DNAH7: variants seen among roughly 807,000 people sequenced by gnomAD.
DNAH7 encodes axonemal beta dynein heavy chain 7.
In DNAH7, 397 loss-of-function variants were observed where a neutral mutation model predicts 444.6. The observed-to-expected ratio is 0.89, with a 90% CI of 0.82 to 0.97. The LOEUF is 0.97. DNAH7 is among the 50% of genes least tolerant of loss of function. The probability of loss-of-function intolerance (pLI) is 0.00; values close to 1 mark genes in which losing one functional copy is unlikely to be tolerated. For synonymous variants in DNAH7, 1,636 were observed against 1,624.4 expected (o/e 1.01, Z -0.17); for missense variants, 4,902 against 4,800.8 (o/e 1.02, Z -0.62).
chr2:195,949,671 G>T (rs1256674656), intron 19 of DNAH7, among the ~76,000 whole-genome samples: 1 of 152,138 alleles, frequency 6.6e-6, no homozygotes, highest in African/African-American at 2.4e-5. Context: ...GGGCATCTTT[G>T]TCTTGTGCCG....
chr2:195,943,979 C>T (rs546003127), intron 19 of DNAH7, among the ~76,000 whole-genome samples: 2 of 152,216 alleles, frequency 1.3e-5, no homozygotes, highest in East Asian at 3.9e-4. Flanking sequence ...TCTCTGATTC[C>T]TTACATACCT....
chr2:195,768,453 C>A (rs1007505255), intron 61 of DNAH7, among the ~76,000 whole-genome samples: 1 of 151,722 alleles, frequency 6.6e-6, no homozygotes, highest in Non-Finnish European at 1.5e-5. Context: ...TGTATATTAT[C>A]ATAACCACTG....
chr2:195,790,344 C>T (rs1219833537), intron 57 of DNAH7, among the ~76,000 whole-genome samples: 8 of 151,714 alleles, frequency 5.3e-5, no homozygotes, highest in African/African-American at 1.9e-4. Flanking sequence ...TCATAAAGAA[C>T]CAAAAACAGC....
rs1691047447 is a variant in DNAH7 at position 195,960,879 on chromosome 2, T to C, written c.2272A>G (p.Lys758Glu). 1 of 1,613,786 alleles carries C rather than the reference T, an allele frequency of 6.2e-7. No individual in the cohort carries two copies. Among genetic ancestry groups the C allele is most frequent in the African/African-American group, 1.3e-5 (1 of 74,908 alleles). The part of the protein sequence containing the change: ...WLPSVYPQRK[K>E]IQDGLNPYLR... ...TAAGGGTTCAAGCCATCTTGGATTT[T>C]TTTACGTTGAGGATATACAGATGGT... The change falls in exon 18 of 65, where the codon AAA becomes GAA. Residue 758 changes from lysine to glutamate, a missense_variant. Physicochemically the swap from Lys to Glu is moderately conservative, Grantham distance 56 (BLOSUM62 1). Transcript: ENST00000312428.
intron 43 of DNAH7, 117 bp downstream of exon 43, chr2:195,858,357 A>C: frequency 1.2e-6 from 1 of 860,410 alleles, no homozygotes; most frequent in Non-Finnish European, 1.6e-6. Context: ...AAATGATTTC[A>C]GCTTCATTAA....
intron 52 of DNAH7, among the ~76,000 whole-genome samples, 181 bp from the exon 53 acceptor site, chr2:195,809,057 C>G (rs1005309226): frequency 6.6e-6 from 1 of 152,140 alleles, no homozygotes; most frequent in Admixed American, 6.5e-5. Context: ...CTCATGATAA[C>G]CAGTTTTCAA....
chr2:195,901,927 GAATA>G (rs1036613325), intron 27 of DNAH7: 12 of 152,158 alleles, frequency 7.9e-5, no homozygotes, highest in South Asian at 4.1e-4. Flanking sequence ...TATTTTGAAA[GAATA>G]AATAAGAATT....
chr2:195,955,165 A>G (rs1032239192), intron 19 of DNAH7, among the ~76,000 whole-genome samples: 4 of 152,184 alleles, frequency 2.6e-5, no homozygotes, highest in Non-Finnish European at 1.5e-5. Context: ...TAGGTCTAAC[A>G]CTTAAGTCTT....
chr2:195,884,468 G>T, intron 35 of DNAH7, 117 bp downstream of exon 35: 1 of 737,772 alleles, frequency 1.4e-6, no homozygotes, highest in Non-Finnish European at 2.3e-6. Context: ...TCTATTCTAT[G>T]CTGTCTCTTA....
In DNAH7 at chr2:195,897,833, C is replaced by T. The variant is rs1326775523; in HGVS notation, c.4549-68G>A. 1.7e-5 allele frequency: 14 copies of T among 826,942 alleles called. No homozygotes were observed. The East Asian group carries it at 2.3e-4, about 14-fold the overall frequency. The allele number at this position is 826,942 out of a possible 1,614,324, so 51.2% of individuals were successfully genotyped here. On this transcript the variant is annotated intron_variant, in intron 28 of 64. Coordinates refer to ENST00000312428, the MANE Select transcript of DNAH7 (RefSeq NM_018897.3). ...TAACAGCACCTACCCGCTTCGTGTT[C>T]GCATACACACAAACCTACAGACCCT...
chr2:195,801,680 G>A (rs906198017), intron 54 of DNAH7, among the ~76,000 whole-genome samples: 1 of 152,082 alleles, frequency 6.6e-6, no homozygotes, highest in Admixed American at 6.6e-5. Context: ...TAAAACGATG[G>A]TCTACTCTGT....
chr2:195,875,920 G>A, intron 37 of DNAH7, 77 bp from the exon 38 acceptor site: 2 of 1,353,860 alleles, frequency 1.5e-6, no homozygotes, highest in Admixed American at 5.1e-5. Context: ...CAATATTGAG[G>A]CAAATACTTA....
intron 5 of DNAH7, among the ~76,000 whole-genome samples, chr2:196,044,630 A>G (rs1696988395): frequency 6.6e-6 from 1 of 152,194 alleles, no homozygotes; most frequent in Non-Finnish European, 1.5e-5. Flanking sequence ...ATATTTTTCA[A>G]TCTATAATTT....
At chr2:195,986,301 T>C (rs1440153700) in intron 14 of DNAH7, among the ~76,000 whole-genome samples, 3 of 152,330 alleles carry the variant, frequency 2.0e-5, no homozygotes, top group African/African-American at 7.2e-5. Flanking sequence ...TTTAGAGCCT[T>C]AGAGCCGAAG....
rs1691034749 is a variant in DNAH7, at chr2:195,960,708, G to A, written c.2443C>T (p.His815Tyr). The A allele has an allele frequency of 6.2e-7, 1 of 1,614,130 alleles. No individual in the cohort carries two copies. The highest frequency in any genetic ancestry group is 1.1e-5 in the South Asian group (1 of 91,080). ...ATTGCCAATGCATATGGAGAATCAT[G>A]AAAGGTTTTCTCCAGTTTATATAAT... ...RGLYKLEKTF[H>Y]DSPYALAMTK... Residue 815 changes from histidine (H) to tyrosine (Y), a missense_variant, in exon 18 of 65, where the codon CAT becomes TAT. Transcript: ENST00000312428.
intron 8 of DNAH7, among the ~76,000 whole-genome samples, chr2:196,021,325 T>A (rs1695368317): frequency 6.6e-6 from 1 of 152,136 alleles, no homozygotes; most frequent in African/African-American, 2.4e-5. Flanking sequence ...CTTAAATACA[T>A]AAATAAACAA....
Position 195,858,554 on chromosome 2 carries a change from C to G in DNAH7, c.7987G>C (p.Asp2663His), listed in dbSNP as rs763861067. ...CCTGCCAGGTCAGCATCGCACTCAT[C>G]TTTGATGGCTTTGGAAGCCATAGCT... Reference protein sequence around the residue: ...EQAMASKAIKDECDADLAGAL... With the variant: ...EQAMASKAIKHECDADLAGAL... The change falls in exon 43 of 65, where the codon GAT becomes CAT. Residue 2663 changes from aspartate to histidine, a missense_variant. Asp to His is a moderately conservative substitution (Grantham distance 81). Coordinates refer to ENST00000312428, the MANE Select transcript of DNAH7 (RefSeq NM_018897.3). 3 of 1,613,790 alleles carry G rather than the reference C, an allele frequency of 1.9e-6. No homozygotes were observed. The highest frequency in any genetic ancestry group is 3.3e-5 in the Admixed American group (2 of 59,912).
At chr2:195,785,324 AGTCT>A (rs900024584) in intron 58 of DNAH7, among the ~76,000 whole-genome samples, 4 of 152,140 alleles carry the variant, frequency 2.6e-5, no homozygotes, top group East Asian at 1.9e-4. Flanking sequence ...ATTTTCTCTC[AGTCT>A]GTCTGTGTGT....
At chr2:196,029,403 G>T (rs1404366905) in intron 5 of DNAH7, among the ~76,000 whole-genome samples, 1 of 152,030 alleles carries the variant, frequency 6.6e-6, no homozygotes, top group Non-Finnish European at 1.5e-5. Flanking sequence ...GAGGTAGAAG[G>T]TTGGGGGTTG....
Sources: allele counts gnomAD v4.1 joint callset (sites outside exome capture counted in the v4.1 genomes callset), GRCh38; gene constraint gnomAD v4.1.1; transcripts MANE v1.5; gene names NCBI Gene and HGNC (gene_info 2026-07-23, HGNC 2026-07-21).